Variants in ZFP14 observed in about 807,000 individuals in gnomAD.
ZFP14 encodes the protein ZFP14 zinc finger protein.
Under a neutral mutation model 54.5 loss-of-function variants are expected in ZFP14, and 22 were observed. The ratio of observed to expected loss-of-function variants is 0.40; its 90% CI spans 0.29 to 0.58. ZFP14 has a LOEUF of 0.58. Ranked by LOEUF, ZFP14 falls within the 20% of genes least tolerant of loss-of-function variation. The pLI, the probability that ZFP14 is intolerant of heterozygous loss-of-function variation, is 0.39. For synonymous variants in ZFP14, 159 were observed against 204.0 expected, an observed-to-expected ratio of 0.78 and a Z score of 1.88; for missense variants, 470 against 637.8, an observed-to-expected ratio of 0.74 and a Z score of 2.83.
chr19:36,361,733 A>G (rs1294866421), intron 3 of ZFP14, among the ~76,000 whole-genome samples: 1 of 152,178 alleles, frequency 6.6e-6, no homozygotes, highest in Non-Finnish European at 1.5e-5. Flanking sequence ...GATCCATCTC[A>G]CACTATGTTC....
intron 4 of ZFP14, among the ~76,000 whole-genome samples, chr19:36,346,435 TC>T (rs1172470211): frequency 1.3e-5 from 2 of 151,684 alleles, no homozygotes; most frequent in South Asian, 4.1e-4. Flanking sequence ...CACTAGCTAT[TC>T]AGTGACAACT....
At chr19:36,354,130 T>C (rs1482924875) in intron 4 of ZFP14, among the ~76,000 whole-genome samples, 1 of 136,400 alleles carries the variant, frequency 7.3e-6, no homozygotes, top group East Asian at 2.2e-4. Flanking sequence ...CCCAACACTT[T>C]GGGAGGCCGA....
At chr19:36,372,238 A>G (rs1284167038) in intron 1 of ZFP14, among the ~76,000 whole-genome samples, 2 of 152,176 alleles carry the variant, frequency 1.3e-5, no homozygotes, top group East Asian at 3.9e-4. Context: ...GGAAGAAAAT[A>G]ATAAAGATTA....
chr19:36,345,232 C>A (rs1337609067), intron 4 of ZFP14, among the ~76,000 whole-genome samples: 1 of 152,204 alleles, frequency 6.6e-6, no homozygotes, highest in South Asian at 2.1e-4. Context: ...CATTGCACTC[C>A]AGCGTGAGCA....
rs777224314 is a variant in ZFP14, at chr19:36,340,435, A to G, written c.1391T>C (p.Leu464Pro). 1.2e-6 allele frequency: 2 copies of G among 1,612,940 alleles called. No homozygotes were observed. Among genetic ancestry groups the G allele is most frequent in the East Asian group, 2.2e-5 (1 of 44,794 alleles). The change falls in exon 5 of 5, where the codon CTC becomes CCC. Residue 464 changes from leucine (L) to proline (P), a missense_variant. Physicochemically the swap from Leu to Pro is moderately conservative, Grantham distance 98. Coordinates refer to ENST00000270001, the MANE Select transcript of ZFP14 (RefSeq NM_020917.3). This position sits in a 1 kb window ranked among gnomAD's most constrained non-coding sequence, Gnocchi z 5.4. ...CKECRKPFRL[L>P]SQLTQHQSIH... is the part of the protein sequence containing the mutation. ...ACTCTGATGTTGGGTAAGTTGTGAG[A>G]GCAGTCTAAAAGGTTTTCTACATTC...
Position 36,340,213 on chromosome 19 carries a change from G to A in ZFP14, c.*11C>T. 6.5e-7 allele frequency: 1 copy of A among 1,544,858 alleles called. No homozygotes were observed. The highest frequency in any genetic ancestry group is 8.7e-7 in the Non-Finnish European group (1 of 1,147,878). On this transcript the variant is annotated 3_prime_UTR_variant, in exon 5 of 5. Coordinates refer to ENST00000270001, the MANE Select transcript of ZFP14 (RefSeq NM_020917.3). This position sits in a 1 kb window ranked among gnomAD's most constrained non-coding sequence, Gnocchi z 5.4. ...TCTGTAACATCATATACATTTGAAG[G>A]CTTTCTTCTATTAAATTCCATTATG...
At chr19:36,377,773 G>A (rs943771674) in intron 1 of ZFP14, among the ~76,000 whole-genome samples, 24 of 152,034 alleles carry the variant, frequency 1.6e-4, no homozygotes, top group African/African-American at 5.6e-4. Context: ...GCTTGAACCC[G>A]GGAGGCGGAG....
At chr19:36,342,175 C>CTTTTT (rs35293783) in intron 4 of ZFP14, among the ~76,000 whole-genome samples, 1 of 74,608 alleles carries the variant, frequency 1.3e-5, no homozygotes, top group African/African-American at 5.5e-5. Context: ...CATTCTATGC[C>CTTTTT]TTTTTTTTTT....
At position 36,339,428 on chromosome 19, in the gene ZFP14, G is replaced by T. The variant is rs1042496580; in HGVS notation, c.*796C>A. On this transcript the variant is annotated 3_prime_UTR_variant, in exon 5 of 5. Transcript: ENST00000270001. ...GTATCATCCCGTTCTCTTGAGTGTG[G>T]ACTATCCTAGTAACTTACTTCTACC... The T allele has an allele frequency of 3.9e-5, 6 of 152,160 alleles. No homozygotes were observed. The highest frequency in any genetic ancestry group is 1.4e-4 in the African/African-American group (6 of 41,412). 9.4% of individuals were successfully genotyped at this position (152,160 alleles called of 1,614,324 possible).
chr19:36,363,246 T>G (rs1243933623), intron 2 of ZFP14, among the ~76,000 whole-genome samples: 3 of 141,100 alleles, frequency 2.1e-5, no homozygotes, highest in Non-Finnish European at 4.5e-5. Context: ...CAGGCTGGAG[T>G]GCGGTGGCGT....
rs140152095 is a variant in ZFP14 at position 36,373,389 on chromosome 19, G to C, written c.-79-5418C>G. Among the ~76,000 whole-genome samples the C allele has an allele frequency of 1.3e-4, 20 of 152,092 alleles. No individual in the cohort carries two copies. The East Asian group carries it at 3.9e-3, about 29-fold the overall frequency. On this transcript the variant is annotated intron_variant, in intron 1 of 4. Coordinates refer to ENST00000270001, the MANE Select transcript of ZFP14 (RefSeq NM_020917.3). ...CCAGAATCTGGGGTAGTTGGGGGTG[G>C]GGGGAAATGGCAAGGTTGAGGAGAT...
At chr19:36,352,876 G>A (rs900986135) in intron 4 of ZFP14, among the ~76,000 whole-genome samples, 1 of 139,778 alleles carries the variant, frequency 7.2e-6, no homozygotes, top group Admixed American at 7.4e-5. Context: ...GGGAGGCGGA[G>A]CTTGCAGTGA....
At chr19:36,378,551 A>G (rs2031998800) in intron 1 of ZFP14, 1 of 152,232 alleles carries the variant, frequency 6.6e-6, no homozygotes, top group Non-Finnish European at 1.5e-5. Flanking sequence ...CACTTCATGG[A>G]ACAAAACGGA....
chr19:36,340,450 T>A lies in ZFP14; in HGVS notation c.1376A>T (p.Lys459Ile). 1.2e-6 allele frequency: 2 copies of A among 1,613,310 alleles called. No homozygotes were observed. Among genetic ancestry groups the A allele is most frequent in the Non-Finnish European group, 1.7e-6 (2 of 1,179,310 alleles). Residue 459 changes from lysine (K) to isoleucine (I), a missense_variant, in exon 5 of 5, where the codon AAA becomes ATA. Transcript: ENST00000270001. This position sits in a 1 kb window ranked among gnomAD's most constrained non-coding sequence, Gnocchi z 5.4. ...AAGTTGTGAGAGCAGTCTAAAAGGTTTTCTACATTCCTTACATTCATAAGG... is the reference window on the plus strand; with the variant it reads ...AAGTTGTGAGAGCAGTCTAAAAGGTATTCTACATTCCTTACATTCATAAGG... ...EKPYECKECR[K>I]PFRLLSQLTQ...
In ZFP14 at chr19:36,340,192, TAAC is replaced by T; in HGVS notation, c.*29_*31del. The stretch of plus-strand genomic sequence containing the variant: ...CAAAAATGAATTTTCTGATGTTCTG[TAAC>T]ATCATATACATTTGAAGGCTTTCTT... On this transcript the variant is annotated 3_prime_UTR_variant, in exon 5 of 5. Coordinates refer to ENST00000270001, the MANE Select transcript of ZFP14 (RefSeq NM_020917.3). The surrounding 1 kb of genome is among the most constrained non-coding windows in gnomAD (Gnocchi z 5.4). 6.6e-7 allele frequency: 1 copy of T among 1,503,940 alleles called. No homozygotes were observed. Among genetic ancestry groups the T allele is most frequent in the Non-Finnish European group, 8.9e-7 (1 of 1,126,448 alleles). The allele number at this position is 1,503,940 out of a possible 1,614,324, so 93.2% of individuals were successfully genotyped here.
At chr19:36,353,946 G>A (rs7248509) in intron 4 of ZFP14, among the ~76,000 whole-genome samples, 57,775 of 134,694 alleles carry the variant, frequency 0.43, 16,955 homozygotes, top group Admixed American at 0.52. Context: ...GTGGTGGCAT[G>A]CGCCTGTAGT....
intron 1 of ZFP14, among the ~76,000 whole-genome samples, chr19:36,368,936 C>T (rs553487700): frequency 6.6e-5 from 10 of 152,070 alleles, no homozygotes; most frequent in Admixed American, 1.3e-4. Context: ...CTCCATCTCC[C>T]GGGTTCAAGT....
Position 36,341,421 on chromosome 19 carries a change from T to C in ZFP14, c.405A>G (p.Gln135=). ...TCACTTGCCCAAAATATCCCTCTTG[T>C]TGTTCCTTTTCCCCCTCAATCTTGC... ...CKSKIEGEKE[Q]QEGYFGQVKI... The change falls in exon 5 of 5, where the codon CAA becomes CAG. Residue 135 remains glutamine (Q), a synonymous_variant. Transcript: ENST00000270001. This position sits in a 1 kb window ranked among gnomAD's most constrained non-coding sequence, Gnocchi z 4.2. 1 of 1,614,210 alleles carries C rather than the reference T, an allele frequency of 6.2e-7. No homozygotes were observed. Among genetic ancestry groups the C allele is most frequent in the Non-Finnish European group, 8.5e-7 (1 of 1,180,040 alleles).
chr19:36,372,475 T>C (rs570341414), intron 1 of ZFP14, among the ~76,000 whole-genome samples: 4 of 152,162 alleles, frequency 2.6e-5, no homozygotes, highest in African/African-American at 9.6e-5. Flanking sequence ...TGAACAAACA[T>C]ACACCAGAAA....
Sources: allele counts gnomAD v4.1 joint callset (sites outside exome capture counted in the v4.1 genomes callset), GRCh38; gene constraint gnomAD v4.1.1; non-coding constraint Gnocchi (gnomAD v3.1); transcripts MANE v1.5; gene names NCBI Gene and HGNC (gene_info 2026-07-23, HGNC 2026-07-21).